Variants in FRK observed in about 807,000 individuals in gnomAD.
The protein encoded by FRK is fyn related Src family tyrosine kinase.
FRK carries 51 observed loss-of-function variants against 56.4 expected under a neutral mutation model. The ratio of observed to expected loss-of-function variants is 0.90; its 90% CI spans 0.72 to 1.14. The LOEUF is 1.14. Among genes scored for constraint, FRK ranks in the 50% most tolerant of loss-of-function variants. The pLI, the probability that FRK is intolerant of heterozygous loss-of-function variation, is 0.00. For missense variants in FRK, 570 were observed against 601.4 expected (o/e 0.95, Z 0.55); for synonymous variants, 245 against 217.9 (o/e 1.12, Z -1.10).
intron 2 of FRK, chr6:116,002,812 G>T (rs1311717847): frequency 7.0e-6 from 3 of 425,838 alleles, no homozygotes; most frequent in East Asian, 7.3e-5. Flanking sequence ...CAAAACCACT[G>T]CCCTTGCTTC....
At chr6:116,054,230 A>T (rs1439703760) in intron 1 of FRK, among the ~76,000 whole-genome samples, 1 of 150,634 alleles carries the variant, frequency 6.6e-6, no homozygotes. Context: ...TTCTTATTTT[A>T]CATCATCATA....
At chr6:116,030,251 A>T (rs1309774259) in intron 1 of FRK, among the ~76,000 whole-genome samples, 1 of 152,096 alleles carries the variant, frequency 6.6e-6, no homozygotes, top group Non-Finnish European at 1.5e-5. Flanking sequence ...AGAGAGGATG[A>T]TCCCTCAGGT....
chr6:116,040,364 TG>T (rs1246536270), intron 1 of FRK, among the ~76,000 whole-genome samples: 1 of 152,156 alleles, frequency 6.6e-6, no homozygotes, highest in Non-Finnish European at 1.5e-5. Flanking sequence ...TAATATCCTA[TG>T]GAAGTATAAA....
At chr6:116,024,224 T>C (rs1775988577) in intron 1 of FRK, among the ~76,000 whole-genome samples, 1 of 152,106 alleles carries the variant, frequency 6.6e-6, no homozygotes, top group Admixed American at 6.6e-5. Flanking sequence ...CTTATGTTTT[T>C]ATTTATTTAT....
rs1352045837 is a variant in FRK at position 116,060,619 on chromosome 6, A to G, written c.-308T>C. ...TCTGCTTAAGAATCCCACAACAAAA[A>G]TAAAATAAAATTAAAAGGGCTTTAT... On this transcript the variant is annotated 5_prime_UTR_variant, in exon 1 of 8. Coordinates refer to ENST00000606080, the MANE Select transcript of FRK (RefSeq NM_002031.3). 3.9e-6 allele frequency: 1 copy of G among 255,934 alleles called. No homozygotes were observed. The highest frequency in any genetic ancestry group is 7.4e-6 in the Non-Finnish European group (1 of 134,478). The allele number at this position is 255,934 out of a possible 1,614,324, so 15.9% of individuals were successfully genotyped here.
At chr6:116,043,718 G>A (rs1431520796) in intron 1 of FRK, among the ~76,000 whole-genome samples, 1 of 152,006 alleles carries the variant, frequency 6.6e-6, no homozygotes, top group African/African-American at 2.4e-5. Context: ...GCTAGCAGAA[G>A]ACAAGAAATA....
chr6:116,046,393 A>G (rs1211443839), intron 1 of FRK, among the ~76,000 whole-genome samples: 1 of 152,242 alleles, frequency 6.6e-6, no homozygotes, highest in African/African-American at 2.4e-5. Context: ...AATGCCCATC[A>G]GTGATAGACT....
In FRK at chr6:116,019,285, A is replaced by C. The variant is rs184609692; in HGVS notation, c.345-15287T>G. Among the ~76,000 whole-genome samples the C allele has an allele frequency of 4.3e-4, 65 of 152,304 alleles. No homozygotes were observed. The East Asian group carries it at 0.012, about 29-fold the overall frequency. On this transcript the variant is annotated intron_variant, in intron 1 of 7. Transcript: ENST00000606080. ...TGGTATTAAATAAACTTGCATTCAT[A>C]CTGTTGAATGAATAAACAGATGATT... is the stretch of plus-strand genomic sequence containing the variant.
chr6:116,003,838 C>G (rs1775150187), intron 2 of FRK, 39 bp downstream of exon 2: 4 of 1,609,706 alleles, frequency 2.5e-6, no homozygotes, highest in Non-Finnish European at 3.4e-6. Context: ...ACTGCAGACT[C>G]TCAAGCTCAT....
chr6:115,968,435 T>C (rs1167602854), intron 3 of FRK, 141 bp downstream of exon 3: 1 of 767,882 alleles, frequency 1.3e-6, no homozygotes, highest in Non-Finnish European at 2.1e-6. Context: ...TGTGAGCTCA[T>C]AGGCCATGGT....
chr6:115,965,245 G>T (rs1208083804), intron 4 of FRK, among the ~76,000 whole-genome samples: 78 of 129,992 alleles, frequency 6.0e-4, no homozygotes, highest in Non-Finnish European at 1.0e-3. Flanking sequence ...CGAAGGACAT[G>T]AACAGACACT....
the FRK span, among the ~76,000 whole-genome samples, chr6:116,069,102 C>A: frequency 9.9e-5 from 15 of 152,268 alleles, no homozygotes; most frequent in South Asian, 6.2e-4. Flanking sequence ...GCAGATAATT[C>A]ATCAATCAAG....
the FRK span, among the ~76,000 whole-genome samples, chr6:116,100,608 C>G: frequency 8.6e-4 from 131 of 152,292 alleles, no homozygotes; most frequent in African/African-American, 2.9e-3. Context: ...GCAGCGGCAC[C>G]GCTCCTGGAC....
intron 5 of FRK, among the ~76,000 whole-genome samples, chr6:115,947,950 C>G (rs1288829961): frequency 6.6e-6 from 1 of 152,146 alleles, no homozygotes; most frequent in Non-Finnish European, 1.5e-5. Flanking sequence ...AAATGGCTCC[C>G]AGTTACCAGT....
upstream of FRK, among the ~76,000 whole-genome samples, chr6:116,064,783 C>A (rs1777728688): frequency 6.6e-6 from 1 of 152,168 alleles, no homozygotes; most frequent in African/African-American, 2.4e-5. Flanking sequence ...ATCCTCATTG[C>A]TTGGAAGATA....
At chr6:116,094,825 G>C in the FRK span, among the ~76,000 whole-genome samples, 1 of 152,008 alleles carries the variant, frequency 6.6e-6, no homozygotes, top group African/African-American at 2.4e-5. Context: ...GAGAAAGAGA[G>C]ACAGAAAGTC....
rs942366082 is a variant in FRK, at chr6:115,937,302, G to T, written c.*5112C>A. ...GAGAGATTTTGTTACCACCAGGCCTGCCCTAAAAGAGCTCCTGAAGGAAGC... is the reference window on the plus strand; with the variant it reads ...GAGAGATTTTGTTACCACCAGGCCTTCCCTAAAAGAGCTCCTGAAGGAAGC... On this transcript the variant is annotated 3_prime_UTR_variant, in exon 8 of 8. Transcript: ENST00000606080. 6.6e-6 allele frequency: 1 copy of T among 152,192 alleles called. No individual in the cohort carries two copies. The highest frequency in any genetic ancestry group is 6.5e-5 in the Admixed American group (1 of 15,278). The allele number at this position is 152,192 out of a possible 1,614,324, so 9.4% of individuals were successfully genotyped here.
In FRK at chr6:115,979,475, A is replaced by T. The variant is rs544508718; in HGVS notation, c.467-10736T>A. On this transcript the variant is annotated intron_variant, in intron 2 of 7. Coordinates refer to ENST00000606080, the MANE Select transcript of FRK (RefSeq NM_002031.3). Reference sequence around the variant, plus strand: ...GTCAAAATATTTTTTAAAATTAAAAAATGTATAATGTAAAAAGTTATAGTA... The same window carrying T: ...GTCAAAATATTTTTTAAAATTAAAATATGTATAATGTAAAAAGTTATAGTA... 6.5e-4 allele frequency among the ~76,000 whole-genome samples: 99 copies of T among 152,304 alleles called. 1 individual carries two copies. The highest frequency in any genetic ancestry group is 2.3e-3 in the African/African-American group (97 of 41,580).
At chr6:116,074,640 G>A in the FRK span, among the ~76,000 whole-genome samples, 2 of 152,020 alleles carry the variant, frequency 1.3e-5, no homozygotes, top group African/African-American at 2.4e-5. Context: ...ATATATCAAA[G>A]CCTATACCAA....
Sources: allele counts gnomAD v4.1 joint callset (sites outside exome capture counted in the v4.1 genomes callset), GRCh38; gene constraint gnomAD v4.1.1; transcripts MANE v1.5; gene names NCBI Gene and HGNC (gene_info 2026-07-23, HGNC 2026-07-21).